The following SULT1C2 variants were observed in gnomAD, a reference collection of about 807,000 sequenced individuals.
SULT1C2 encodes sulfotransferase 1C2.
Under a neutral mutation model 36.0 loss-of-function variants are expected in SULT1C2, and 27 were observed. The observed-to-expected ratio is 0.75, with a 90% confidence interval of 0.55 to 1.03. SULT1C2 has a LOEUF of 1.03. SULT1C2 is among the 50% of genes least tolerant of loss of function. The probability of loss-of-function intolerance (pLI) is 0.00; values close to 1 mark genes in which losing one functional copy is unlikely to be tolerated. For missense variants in SULT1C2, 395 were observed against 359.2 expected, an observed-to-expected ratio of 1.10 and a Z score of -0.80; for synonymous variants, 121 against 116.0, an observed-to-expected ratio of 1.04 and a Z score of -0.27.
chr2:108,295,868 A>T (rs1676712152), intron 3 of SULT1C2, among the ~76,000 whole-genome samples: 1 of 152,146 alleles, frequency 6.6e-6, no homozygotes, highest in Admixed American at 6.5e-5. Context: ...ATCATAGGTC[A>T]CTGCAACCTG....
At position 108,304,662 on chromosome 2, in the gene SULT1C2, C is replaced by G. The variant is rs1355107836; in HGVS notation, c.464C>G (p.Thr155Ser). The G allele has an allele frequency of 9.9e-6, 16 of 1,613,794 alleles. No individual in the cohort carries two copies. The highest frequency in any genetic ancestry group is 6.7e-5 in the African/African-American group (5 of 75,024). The change falls in exon 5 of 8, where the codon ACC (threonine) becomes AGC (serine). Residue 155 changes from threonine (T) to serine (S), a missense_variant. By Grantham distance (58) the Thr-to-Ser change is moderately conservative. Transcript: ENST00000251481. ...AACCACATGCTTCCTGACCCTGGTACCTGGGAAGAGTATTTTGAAACCTTC... is the reference window on the plus strand; with the variant it reads ...AACCACATGCTTCCTGACCCTGGTAGCTGGGAAGAGTATTTTGAAACCTTC... ...RMNHMLPDPG[T>S]WEEYFETFIN... is the part of the protein sequence containing the mutation.
At chr2:108,301,974 C>T (rs984275458) in intron 4 of SULT1C2, 1 of 152,144 alleles carries the variant, frequency 6.6e-6, no homozygotes, top group African/African-American at 2.4e-5. Flanking sequence ...GATAAGGGGA[C>T]AAAAACTTCC....
chr2:108,295,245 T>C (rs1228855020), intron 3 of SULT1C2, among the ~76,000 whole-genome samples: 8 of 152,260 alleles, frequency 5.3e-5, no homozygotes, highest in Non-Finnish European at 1.2e-4. Flanking sequence ...CCTATGATCC[T>C]ACCATCCAGC....
chr2:108,291,447 G>A (rs1475469435), intron 1 of SULT1C2, among the ~76,000 whole-genome samples: 2 of 152,128 alleles, frequency 1.3e-5, no homozygotes, highest in Non-Finnish European at 2.9e-5. Flanking sequence ...GAATTAGGAC[G>A]TGGACATCTT....
chr2:108,293,950 C>T, intron 2 of SULT1C2, 132 bp downstream of exon 2: 1 of 1,379,292 alleles, frequency 7.3e-7, no homozygotes, highest in Non-Finnish European at 9.7e-7. Context: ...GCTCAGGGCT[C>T]ACACAGGATG....
In SULT1C2 at chr2:108,301,070, CAT is replaced by C; in HGVS notation, c.375+137_375+138del. The C allele has an allele frequency of 3.5e-6, 4 of 1,146,480 alleles. No homozygotes were observed. In the South Asian group the frequency reaches 4.7e-5, roughly 13 times the overall value. 71.0% of individuals were successfully genotyped at this position (1,146,480 alleles called of 1,614,324 possible). On this transcript the variant is annotated intron_variant, in intron 4 of 7. Coordinates refer to ENST00000251481, the MANE Select transcript of SULT1C2 (RefSeq NM_001056.4). Reference sequence around the variant, plus strand: ...CTGATGCTTACCAGCAAAGAGAAAACATAAAGTTCTACATTCAGCAGGACATT... The same window carrying C: ...CTGATGCTTACCAGCAAAGAGAAAACAAAGTTCTACATTCAGCAGGACATT...
chr2:108,305,559 A>G lies in SULT1C2; in HGVS notation c.742A>G (p.Ile248Val). The G allele has an allele frequency of 1.9e-6, 3 of 1,614,208 alleles. No homozygotes were observed. The South Asian group carries it at 3.3e-5, about 18-fold the overall frequency. The change falls in exon 7 of 8, where the codon ATC becomes GTC. Residue 248 changes from isoleucine (I) to valine (V), a missense_variant. Physicochemically the swap from Ile to Val is conservative, Grantham distance 29. Coordinates refer to ENST00000251481, the MANE Select transcript of SULT1C2 (RefSeq NM_001056.4). ...AAATCGTTCTACAGTTTCCAAATCT[A>G]TCTTGGACCAGTCAATTTCCTCCTT... ...MTNRSTVSKS[I>V]LDQSISSFMR... is the part of the protein sequence containing the mutation.
At chr2:108,302,214 G>A (rs573875644) in intron 4 of SULT1C2, 2 of 152,268 alleles carry the variant, frequency 1.3e-5, no homozygotes, top group African/African-American at 4.8e-5. Context: ...AGCAATTTAA[G>A]TTTTAATGGC....
intron 1 of SULT1C2, among the ~76,000 whole-genome samples, chr2:108,293,242 C>G (rs1676639488): frequency 6.8e-6 from 1 of 147,686 alleles, no homozygotes; most frequent in Non-Finnish European, 1.5e-5. Context: ...GGAAGGAAAT[C>G]CCATCACATG....
intron 7 of SULT1C2, among the ~76,000 whole-genome samples, chr2:108,305,886 T>C (rs1677012569): frequency 6.6e-6 from 1 of 152,112 alleles, no homozygotes; most frequent in African/African-American, 2.4e-5. Flanking sequence ...CATAGAAAAC[T>C]AGGAAGAGGA....
intron 1 of SULT1C2, among the ~76,000 whole-genome samples, chr2:108,291,853 T>C (rs1676600743): frequency 6.6e-6 from 1 of 152,240 alleles, no homozygotes; most frequent in South Asian, 2.1e-4. Context: ...CTGAATTTGA[T>C]CATACCATTA....
rs143111295 is a variant in SULT1C2, at chr2:108,304,756, G to A, written c.502+56G>A. 3.8e-6 allele frequency: 6 copies of A among 1,560,130 alleles called. No individual in the cohort carries two copies. In the Admixed American group the frequency reaches 9.8e-5, roughly 25 times the overall value. On this transcript the variant is annotated intron_variant, in intron 5 of 7. Coordinates refer to ENST00000251481, the MANE Select transcript of SULT1C2 (RefSeq NM_001056.4). ...CTCACTCCAGCTAGGCTGGGTCTAGGGAACCACAGGCAGCATTTTATCCCC... is the reference window on the plus strand; with the variant it reads ...CTCACTCCAGCTAGGCTGGGTCTAGAGAACCACAGGCAGCATTTTATCCCC...
intron 3 of SULT1C2, among the ~76,000 whole-genome samples, chr2:108,296,890 A>G (rs1206783160): frequency 1.3e-5 from 2 of 152,220 alleles, no homozygotes; most frequent in Non-Finnish European, 2.9e-5. Flanking sequence ...GTGGTCAGAC[A>G]CTACTGGACA....
intron 7 of SULT1C2, 33 bp downstream of exon 7, chr2:108,305,628 TGTCTCGTA>T (rs1348153446): frequency 1.9e-6 from 3 of 1,612,812 alleles, no homozygotes; most frequent in Non-Finnish European, 2.5e-6. Context: ...ACATTCAGAT[TGTCTCGTA>T]ACATCCTGTC....
At chr2:108,302,830 A>C (rs574758109) in intron 4 of SULT1C2, 2 of 152,250 alleles carry the variant, frequency 1.3e-5, no homozygotes, top group Non-Finnish European at 2.9e-5. Flanking sequence ...CATGGAAATT[A>C]AAAACTCAAG....
intron 3 of SULT1C2, chr2:108,298,768 G>GT (rs1034850422): frequency 1.1e-3 from 256 of 224,292 alleles, no homozygotes; most frequent in African/African-American, 4.1e-3. Flanking sequence ...TCTTCCACCT[G>GT]TTTTTTTTCT....
chr2:108,299,760 G>GA (rs1173051790), intron 3 of SULT1C2: 1 of 152,190 alleles, frequency 6.6e-6, no homozygotes, highest in African/African-American at 2.4e-5. Flanking sequence ...AACAGGGTCT[G>GA]AAACAGATAC....
chr2:108,300,506 C>T (rs1287331737), intron 3 of SULT1C2: 1 of 381,832 alleles, frequency 2.6e-6, no homozygotes, highest in Non-Finnish European at 4.6e-6. Context: ...TGGGGGTCAT[C>T]TCTGGCTGGC....
Position 108,308,679 on chromosome 2 carries a change from G to C in SULT1C2, c.*215G>C, listed in dbSNP as rs1474881558. 6.2e-6 allele frequency: 3 copies of C among 485,652 alleles called. No individual in the cohort carries two copies. The highest frequency in any genetic ancestry group is 5.9e-5 in the African/African-American group (3 of 50,792). The allele number at this position is 485,652 out of a possible 1,614,324, so 30.1% of individuals were successfully genotyped here. A position where few individuals can be genotyped will look rare whatever the true frequency, so the allele number is the denominator to read the frequency against. On this transcript the variant is annotated 3_prime_UTR_variant, in exon 8 of 8. Transcript: ENST00000251481. The stretch of plus-strand genomic sequence containing the variant: ...TTCCCAACTATTCTTTCCAAAGTAA[G>C]ATATAAGGTAGCTTAATAAACTAAG...
Sources: allele counts gnomAD v4.1 joint callset (sites outside exome capture counted in the v4.1 genomes callset), GRCh38; gene constraint gnomAD v4.1.1; transcripts MANE v1.5; gene names NCBI Gene and HGNC (gene_info 2026-07-23, HGNC 2026-07-21).